Variants in NXPE4 observed in about 807,000 individuals in gnomAD.
NXPE4 encodes the protein NXPE family member 4.
A neutral mutation model predicts 33.3 loss-of-function variants in NXPE4; 42 were observed. The ratio of observed to expected loss-of-function variants is 1.26; its 90% CI spans 0.98 to 1.63. NXPE4 has a LOEUF of 1.63. Among genes scored for constraint, NXPE4 ranks in the 40% most tolerant of loss-of-function variants. The pLI, the probability that NXPE4 is intolerant of heterozygous loss-of-function variation, is 0.00. For synonymous variants in NXPE4, 253 were observed against 234.9 expected (o/e 1.08, Z -0.71); for missense variants, 709 against 647.6 (o/e 1.09, Z -1.03).
chr11:114,582,239 C>T (rs1166921999), intron 3 of NXPE4, 49 bp downstream of exon 3: 1 of 1,521,368 alleles, frequency 6.6e-7, no homozygotes, highest in African/African-American at 1.4e-5. Flanking sequence ...AGTATATAGG[C>T]CAAATCACAA....
At chr11:114,576,152 A>G (rs1276103392) in intron 5 of NXPE4, among the ~76,000 whole-genome samples, 1 of 152,148 alleles carries the variant, frequency 6.6e-6, no homozygotes, top group Admixed American at 6.6e-5. Context: ...AGCCACATAT[A>G]AAAGAATGAA....
chr11:114,592,301 A>T (rs1333871165), intron 2 of NXPE4, among the ~76,000 whole-genome samples: 1 of 152,182 alleles, frequency 6.6e-6, no homozygotes, highest in Non-Finnish European at 1.5e-5. Flanking sequence ...AAACTGTCAG[A>T]ACTGATTTTA....
chr11:114,626,271 T>G, the NXPE4 span, among the ~76,000 whole-genome samples: 1 of 152,176 alleles, frequency 6.6e-6, no homozygotes, highest in Admixed American at 6.5e-5. Flanking sequence ...GACTTAAATG[T>G]CCCAGTCTGA....
At chr11:114,625,007 C>A in the NXPE4 span, among the ~76,000 whole-genome samples, 1 of 152,046 alleles carries the variant, frequency 6.6e-6, no homozygotes. Flanking sequence ...CCACTGTTAC[C>A]TTGTGGATAG....
chr11:114,577,090 T>C (rs28803778), intron 5 of NXPE4, among the ~76,000 whole-genome samples: 2 of 140,410 alleles, frequency 1.4e-5, no homozygotes, highest in South Asian at 2.2e-4. Context: ...TATATACATA[T>C]ATATATAAAG....
the NXPE4 span, among the ~76,000 whole-genome samples, chr11:114,650,835 G>C: frequency 2.7e-5 from 4 of 147,074 alleles, no homozygotes; most frequent in Non-Finnish European, 6.1e-5. Flanking sequence ...GCTGGACCCG[G>C]AAAACAGAGT....
chr11:114,586,945 G>A (rs1447791549), intron 2 of NXPE4, among the ~76,000 whole-genome samples: 1 of 152,102 alleles, frequency 6.6e-6, no homozygotes, highest in Non-Finnish European at 1.5e-5. Flanking sequence ...TAGGCACAGA[G>A]GTCCTCCTTC....
the NXPE4 span, among the ~76,000 whole-genome samples, chr11:114,627,869 C>T: frequency 6.6e-6 from 1 of 151,336 alleles, no homozygotes; most frequent in African/African-American, 2.4e-5. Context: ...GGATTGCAAT[C>T]CTAGTCTCTG....
At chr11:114,646,136 C>T in the NXPE4 span, among the ~76,000 whole-genome samples, 1 of 151,980 alleles carries the variant, frequency 6.6e-6, no homozygotes, top group East Asian at 1.9e-4. Flanking sequence ...TATATGCTGG[C>T]CTGAGGTAAT....
chr11:114,638,232 A>T, the NXPE4 span, among the ~76,000 whole-genome samples: 4 of 151,972 alleles, frequency 2.6e-5, no homozygotes, highest in African/African-American at 9.7e-5. Flanking sequence ...CATCACTGAT[A>T]CACTTTCTTC....
the NXPE4 span, among the ~76,000 whole-genome samples, chr11:114,638,731 C>G: frequency 2.0e-5 from 3 of 152,024 alleles, no homozygotes; most frequent in Non-Finnish European, 4.4e-5. Context: ...GAAGTCTACT[C>G]CAGACCCTGT....
At chr11:114,617,480 G>A in the NXPE4 span, among the ~76,000 whole-genome samples, 4 of 151,074 alleles carry the variant, frequency 2.6e-5, no homozygotes, top group Admixed American at 6.6e-5. Context: ...GATATCAAAT[G>A]TTGCCTCGTG....
chr11:114,645,223 C>A, the NXPE4 span, among the ~76,000 whole-genome samples: 1,698 of 152,130 alleles, frequency 0.011, 32 homozygotes, highest in African/African-American at 0.038. Flanking sequence ...ATCACTTGAA[C>A]CCGAGAGGCA....
At chr11:114,609,871 C>T in the NXPE4 span, among the ~76,000 whole-genome samples, 3 of 148,508 alleles carry the variant, frequency 2.0e-5, no homozygotes, top group South Asian at 4.3e-4. Context: ...GGTAACCACT[C>T]TTACCCAGTG....
chr11:114,622,843 A>G, the NXPE4 span, among the ~76,000 whole-genome samples: 2 of 151,694 alleles, frequency 1.3e-5, no homozygotes, highest in Non-Finnish European at 2.9e-5. Flanking sequence ...GATAGTAAGT[A>G]TTGCTTCATG....
the NXPE4 span, among the ~76,000 whole-genome samples, chr11:114,657,432 T>C: frequency 6.6e-6 from 1 of 152,218 alleles, no homozygotes; most frequent in African/African-American, 2.4e-5. Flanking sequence ...GCAGTATTAG[T>C]GATATCCAAG....
the NXPE4 span, among the ~76,000 whole-genome samples, chr11:114,617,623 C>A: frequency 1.3e-5 from 2 of 152,040 alleles, no homozygotes; most frequent in Non-Finnish European, 2.9e-5. Flanking sequence ...TTAGGGTAAC[C>A]ACTGTTACCC....
chr11:114,608,681 C>T, the NXPE4 span, among the ~76,000 whole-genome samples: 1 of 151,852 alleles, frequency 6.6e-6, no homozygotes, highest in Non-Finnish European at 1.5e-5. Flanking sequence ...ATAAGCATTG[C>T]CTCCCAGGTA....
the NXPE4 span, among the ~76,000 whole-genome samples, chr11:114,659,117 T>G: frequency 6.6e-6 from 1 of 152,226 alleles, no homozygotes; most frequent in South Asian, 2.1e-4. Context: ...TCAATGCTCC[T>G]CCCTACCTCA....
Sources: gnomAD v4.1 joint callset for allele counts (sites outside exome capture counted in the v4.1 genomes callset) on GRCh38, gnomAD v4.1.1 for gene constraint, MANE v1.5 for transcripts, NCBI Gene and HGNC (gene_info 2026-07-23, HGNC 2026-07-21) for gene names.